DST: variants seen among roughly 807,000 people sequenced by gnomAD.
DST encodes the protein dystonin.
Under a neutral mutation model 875.2 loss-of-function variants are expected in DST, and 253 were observed. The ratio of observed to expected loss-of-function variants is 0.29; its 90% CI spans 0.26 to 0.32. DST has a LOEUF of 0.32. Among genes scored for constraint, DST ranks in the 10% least tolerant of loss-of-function variants. The pLI is 1.00. For missense variants in DST, 8,287 were observed against 9,111.6 expected, an observed-to-expected ratio of 0.91 and a Z score of 3.68; for synonymous variants, 3,124 against 3,197.1, an observed-to-expected ratio of 0.98 and a Z score of 0.77.
intron 69 of DST, among the ~76,000 whole-genome samples, chr6:56,522,751 T>C (rs747233040): frequency 8.2e-5 from 12 of 145,944 alleles, no homozygotes; most frequent in African/African-American, 2.7e-4. Context: ...GCCAAGCAAT[T>C]AGAACTGCTG....
intron 74 of DST, among the ~76,000 whole-genome samples, chr6:56,509,113 C>CCGT (rs1398650148): frequency 2.6e-5 from 4 of 152,262 alleles, no homozygotes; most frequent in Non-Finnish European, 1.5e-5. Flanking sequence ...GTAAAATTGT[C>CCGT]CGTTCAGTCC....
intron 85 of DST, 135 bp from the exon 86 acceptor site, chr6:56,489,744 A>G (rs756313453): frequency 7.0e-6 from 6 of 855,878 alleles, no homozygotes; most frequent in African/African-American, 1.7e-5. Flanking sequence ...ACTGAAGAAG[A>G]AAAAAGTAAT....
intron 5 of DST, among the ~76,000 whole-genome samples, chr6:56,708,961 T>G (rs74439088): frequency 6.6e-6 from 1 of 152,204 alleles, no homozygotes; most frequent in East Asian, 1.9e-4. Context: ...AATAAAGCAT[T>G]CCTTTTTCTC....
chr6:56,947,545 G>C (rs937279798), intron 2 of DST, among the ~76,000 whole-genome samples: 6 of 152,184 alleles, frequency 3.9e-5, no homozygotes, highest in Non-Finnish European at 7.3e-5. Context: ...ACCACGCCCA[G>C]CCTGCTTCTC....
chr6:56,598,910 T>C (rs1435713561), intron 45 of DST, among the ~76,000 whole-genome samples: 2 of 152,106 alleles, frequency 1.3e-5, no homozygotes, highest in African/African-American at 2.4e-5. Flanking sequence ...AAGAAAAGCA[T>C]GAATTTTCAT....
intron 2 of DST, among the ~76,000 whole-genome samples, chr6:56,904,794 T>C (rs1592295648): frequency 6.6e-6 from 1 of 152,164 alleles, no homozygotes. Context: ...TAATAAGAGT[T>C]ACTCTTTTTC....
At chr6:56,821,430 G>A (rs1161587166) in intron 4 of DST, among the ~76,000 whole-genome samples, 2 of 152,172 alleles carry the variant, frequency 1.3e-5, no homozygotes, top group African/African-American at 2.4e-5. Context: ...GAAGTATACT[G>A]CATATGTCTG....
chr6:56,477,289 C>T, intron 91 of DST, 56 bp downstream of exon 91: 1 of 1,542,570 alleles, frequency 6.5e-7, no homozygotes, highest in Non-Finnish European at 8.8e-7. Flanking sequence ...AAATTTCCCA[C>T]ACCCCTCAAC....
chr6:56,753,024 C>T (rs2099592402), intron 4 of DST, among the ~76,000 whole-genome samples: 2 of 152,134 alleles, frequency 1.3e-5, no homozygotes, highest in South Asian at 4.1e-4. Context: ...CTCCTGACCT[C>T]AGGTGGTCCA....
chr6:56,475,666 C>T (rs1376345189), intron 92 of DST, among the ~76,000 whole-genome samples: 1 of 152,150 alleles, frequency 6.6e-6, no homozygotes, highest in African/African-American at 2.4e-5. Flanking sequence ...TCTTCACAGA[C>T]ATAAAAATGC....
intron 87 of DST, 143 bp downstream of exon 87, chr6:56,486,961 T>A (rs2095591929): frequency 1.6e-6 from 1 of 621,366 alleles, no homozygotes; most frequent in African/African-American, 1.8e-5. Flanking sequence ...GCAAGTGCTA[T>A]GTGTGTGGGA....
chr6:56,773,973 G>A (rs908601848), intron 4 of DST, among the ~76,000 whole-genome samples: 3 of 151,994 alleles, frequency 2.0e-5, no homozygotes, highest in Non-Finnish European at 2.9e-5. Context: ...CAAAAAACAG[G>A]CACGGTGGTA....
At chr6:56,735,343 GA>G (rs2099518994) in intron 4 of DST, 54 bp from the exon 5 acceptor site, 1 of 1,001,796 alleles carries the variant, frequency 1.0e-6, no homozygotes, top group East Asian at 2.6e-5. Context: ...ATGAATAGAT[GA>G]CTTTGTGATC....
At chr6:56,579,342 G>C (rs994983662) in intron 49 of DST, among the ~76,000 whole-genome samples, 1 of 152,052 alleles carries the variant, frequency 6.6e-6, no homozygotes, top group Non-Finnish European at 1.5e-5. Context: ...AAATAAGCTC[G>C]CCCAAATCAG....
chr6:56,937,561 A>C (rs1813672018), intron 2 of DST, among the ~76,000 whole-genome samples: 1 of 152,210 alleles, frequency 6.6e-6, no homozygotes, highest in Admixed American at 6.5e-5. Context: ...GCTGATGAGA[A>C]TATTAAATTG....
At chr6:56,659,784 A>G (rs2099029385) in intron 10 of DST, among the ~76,000 whole-genome samples, 1 of 152,198 alleles carries the variant, frequency 6.6e-6, no homozygotes, top group Non-Finnish European at 1.5e-5. Context: ...AAGAGGCTGC[A>G]ACATGCTTAA....
intron 4 of DST, among the ~76,000 whole-genome samples, chr6:56,736,922 C>T (rs1028066962): frequency 3.9e-5 from 6 of 151,988 alleles, no homozygotes; most frequent in African/African-American, 1.5e-4. Context: ...GCCTGTAATC[C>T]CAGCCCTTCG....
At chr6:56,914,594 C>T (rs908349129) in intron 2 of DST, among the ~76,000 whole-genome samples, 5 of 152,150 alleles carry the variant, frequency 3.3e-5, no homozygotes, top group Admixed American at 2.0e-4. Flanking sequence ...GTGTTTTTCC[C>T]GAGGGCACTC....
intron 89 of DST, 41 bp downstream of exon 89, chr6:56,482,642 C>T: frequency 8.8e-6 from 14 of 1,582,028 alleles, no homozygotes; most frequent in Non-Finnish European, 1.1e-5. Flanking sequence ...GGTTTCAATA[C>T]TTTTCCCATT....
Sources: gnomAD v4.1 joint callset for allele counts (sites outside exome capture counted in the v4.1 genomes callset) on GRCh38, gnomAD v4.1.1 for gene constraint, MANE v1.5 for transcripts, NCBI Gene and HGNC (gene_info 2026-07-23, HGNC 2026-07-21) for gene names.